Variants in ADAM7 observed in about 807,000 individuals in gnomAD.
The protein encoded by ADAM7 is ADAM metallopeptidase domain 7, also known as disintegrin and metalloproteinase domain-containing protein 7.
Under a neutral mutation model 102.9 loss-of-function variants are expected in ADAM7, and 97 were observed. The ratio of observed to expected loss-of-function variants is 0.94; its 90% CI spans 0.80 to 1.12. The LOEUF (loss-of-function observed/expected upper bound fraction) is 1.12. ADAM7 is among the 50% of genes most tolerant of loss of function. ADAM7 has a pLI of 0.00. For synonymous variants in ADAM7, 334 were observed against 304.4 expected (o/e 1.10, Z -1.01); for missense variants, 991 against 908.7 (o/e 1.09, Z -1.16).
At chr8:24,487,639 A>C (rs1447907343) in intron 11 of ADAM7, among the ~76,000 whole-genome samples, 1 of 151,932 alleles carries the variant, frequency 6.6e-6, no homozygotes, top group Non-Finnish European at 1.5e-5. Flanking sequence ...CCATCTCAAA[A>C]AAAAAAAGAA....
chr8:24,457,506 G>A (rs1460285319), intron 3 of ADAM7, among the ~76,000 whole-genome samples: 1 of 152,024 alleles, frequency 6.6e-6, no homozygotes, highest in Non-Finnish European at 1.5e-5. Flanking sequence ...GAACTCCTAA[G>A]CTCAGGCAAT....
intron 3 of ADAM7, among the ~76,000 whole-genome samples, chr8:24,454,591 A>G (rs1300327876): frequency 1.3e-5 from 2 of 152,146 alleles, no homozygotes; most frequent in Non-Finnish European, 2.9e-5. Flanking sequence ...GAACTCCCTG[A>G]TCCCTTGCGC....
intron 20 of ADAM7, among the ~76,000 whole-genome samples, chr8:24,504,858 A>T (rs1300911697): frequency 6.6e-6 from 1 of 152,128 alleles, no homozygotes. Context: ...CTGGTTATAT[A>T]TGTTAGTTAT....
intron 3 of ADAM7, among the ~76,000 whole-genome samples, chr8:24,453,426 C>T (rs1354119125): frequency 1.3e-5 from 2 of 152,206 alleles, no homozygotes; most frequent in Non-Finnish European, 2.9e-5. Context: ...GATACCCTTT[C>T]TTCCAATTGA....
rs763880379 is a variant in ADAM7, at chr8:24,463,965, C to T, written c.312+5C>T. 40 of 1,606,298 alleles carry T rather than the reference C, an allele frequency of 2.5e-5. No homozygotes were observed. In the Admixed American group the frequency reaches 4.5e-4, roughly 18 times the overall value. Reference sequence around the variant, plus strand: ...ACCAGGCATCCTCAGATCATGGTATCTTATGGAACTTTACTGTGTCTCTTC... The same window carrying T: ...ACCAGGCATCCTCAGATCATGGTATTTTATGGAACTTTACTGTGTCTCTTC... On this transcript the variant is annotated splice_donor_5th_base_variant and intron_variant, in intron 4 of 21. Coordinates refer to ENST00000175238, the MANE Select transcript of ADAM7 (RefSeq NM_003817.4).
intron 2 of ADAM7, among the ~76,000 whole-genome samples, chr8:24,444,858 T>C (rs1036134477): frequency 3.3e-5 from 5 of 152,098 alleles, no homozygotes. Context: ...AGTTTATGAA[T>C]CTGGGCTTAT....
rs777969744 is a variant in ADAM7 at position 24,500,229 on chromosome 8, G to C, written c.1975G>C (p.Ala659Pro). ...CHCEEGQAPV[A>P]CEETLHVTNI... ...CTGTGAGGAAGGACAGGCACCTGTA[G>C]CCTGTGAAGAAACCTTACATGTTAC... is the stretch of plus-strand genomic sequence containing the variant. Residue 659 changes from alanine (A) to proline (P), a missense_variant, in exon 18 of 22, where the codon GCC becomes CCC. Transcript: ENST00000175238. 1 of 1,611,788 alleles carries C rather than the reference G, an allele frequency of 6.2e-7. No individual in the cohort carries two copies. Among genetic ancestry groups the C allele is most frequent in the Admixed American group, 1.7e-5 (1 of 59,866 alleles).
In ADAM7 at chr8:24,486,574, G is replaced by T. The variant is rs116382353; in HGVS notation, c.961-613G>T. 5.5e-3 allele frequency among the ~76,000 whole-genome samples: 833 copies of T among 152,122 alleles called. 4 individuals carry two copies. The highest frequency in any genetic ancestry group is 0.019 in the African/African-American group (797 of 41,498). On this transcript the variant is annotated intron_variant, in intron 10 of 21. Transcript: ENST00000175238. ...GTAACAAAATATCACAAATGAATGG[G>T]TAAGAAACAATAGAAAGTTATTTCT...
chr8:24,463,750 T>C (rs1255301105), intron 3 of ADAM7, 132 bp from the exon 4 acceptor site: 3 of 667,504 alleles, frequency 4.5e-6, no homozygotes, highest in Non-Finnish European at 5.0e-6. Context: ...GATTTTGCTT[T>C]ACTATTTCTA....
At chr8:24,449,734 T>C (rs1344772232) in intron 3 of ADAM7, among the ~76,000 whole-genome samples, 1 of 152,198 alleles carries the variant, frequency 6.6e-6, no homozygotes, top group Non-Finnish European at 1.5e-5. Flanking sequence ...CATGCCTATG[T>C]CCTGAATGGT....
At chr8:24,501,276 T>G (rs1056366111) in intron 19 of ADAM7, among the ~76,000 whole-genome samples, 1 of 152,132 alleles carries the variant, frequency 6.6e-6, no homozygotes, top group African/African-American at 2.4e-5. Context: ...ACATCAAGAA[T>G]CAGGTGACAT....
chr8:24,487,560 G>A (rs549651158), intron 11 of ADAM7, among the ~76,000 whole-genome samples: 9 of 151,610 alleles, frequency 5.9e-5, no homozygotes, highest in South Asian at 4.2e-4. Flanking sequence ...GCTTGAATTC[G>A]GGAGGCGGAG....
rs571739783 is a variant in ADAM7, at chr8:24,445,789, T to C, written c.157-1397T>C. Among the ~76,000 whole-genome samples the C allele has an allele frequency of 1.6e-4, 25 of 152,350 alleles. 1 individual carries two copies. In the South Asian group the frequency reaches 3.7e-3, roughly 23 times the overall value. ...ACATGATTTACTCCTTCCCACTTTG[T>C]CATTTCATTTCTATTCAACTTACAC... On this transcript the variant is annotated intron_variant, in intron 2 of 21. Coordinates refer to ENST00000175238, the MANE Select transcript of ADAM7 (RefSeq NM_003817.4).
intron 9 of ADAM7, among the ~76,000 whole-genome samples, chr8:24,483,645 G>T (rs1453141250): frequency 6.6e-6 from 1 of 152,050 alleles, no homozygotes; most frequent in Admixed American, 6.6e-5. Flanking sequence ...AGCATATATC[G>T]CCAGAGGCAT....
intron 20 of ADAM7, among the ~76,000 whole-genome samples, chr8:24,505,241 A>G (rs1277315786): frequency 6.6e-6 from 1 of 152,168 alleles, no homozygotes; most frequent in Non-Finnish European, 1.5e-5. Flanking sequence ...TAGGCTGAGT[A>G]CTGCTCAATG....
intron 20 of ADAM7, among the ~76,000 whole-genome samples, chr8:24,506,506 G>A (rs940039601): frequency 2.6e-5 from 4 of 151,892 alleles, no homozygotes; most frequent in Non-Finnish European, 5.9e-5. Context: ...CTTAATTACT[G>A]AATTAGTTTT....
At chr8:24,489,912 T>G (rs535118948) in intron 12 of ADAM7, among the ~76,000 whole-genome samples, 1 of 152,348 alleles carries the variant, frequency 6.6e-6, no homozygotes, top group Non-Finnish European at 1.5e-5. Context: ...CACATAGATA[T>G]GTCTTCTAGA....
intron 8 of ADAM7, among the ~76,000 whole-genome samples, chr8:24,480,869 G>A (rs1379854661): frequency 1.3e-5 from 2 of 151,888 alleles, no homozygotes; most frequent in South Asian, 2.1e-4. Context: ...CTGAGACATC[G>A]TCCCAACAAC....
At chr8:24,500,427 C>T (rs543056426) in intron 18 of ADAM7, among the ~76,000 whole-genome samples, 171 bp downstream of exon 18, 53 of 152,258 alleles carry the variant, frequency 3.5e-4, no homozygotes, top group Non-Finnish European at 6.9e-4. Context: ...TTACCTTTTA[C>T]AGCAATTCCC....
Sources: gnomAD v4.1 joint callset for allele counts (sites outside exome capture counted in the v4.1 genomes callset) on GRCh38, gnomAD v4.1.1 for gene constraint, MANE v1.5 for transcripts, NCBI Gene and HGNC (gene_info 2026-07-23, HGNC 2026-07-21) for gene names.